Variants in RABGEF1 observed in about 807,000 individuals in gnomAD.
The protein encoded by RABGEF1 is RAB guanine nucleotide exchange factor 1, also known as rab5 GDP/GTP exchange factor.
In RABGEF1, 26 loss-of-function variants were observed where a neutral mutation model predicts 57.3. The ratio of observed to expected loss-of-function variants is 0.45; its 90% CI spans 0.33 to 0.63. The LOEUF (loss-of-function observed/expected upper bound fraction) is 0.63, where lower values mean the gene tolerates loss of function less well. Among genes scored for constraint, RABGEF1 ranks in the 20% least tolerant of loss-of-function variants. The pLI, the probability that RABGEF1 is intolerant of heterozygous loss-of-function variation, is 0.02. For synonymous variants in RABGEF1, 185 were observed against 210.7 expected (o/e 0.88, Z 1.06); for missense variants, 464 against 607.6 (o/e 0.76, Z 2.48).
intron 4 of RABGEF1, among the ~76,000 whole-genome samples, chr7:66,792,869 G>A (rs2129166129): frequency 6.6e-6 from 1 of 152,250 alleles, no homozygotes; most frequent in South Asian, 2.1e-4. Flanking sequence ...CATTTTAGTT[G>A]GGGAAATGGA....
chr7:66,696,862 A>C (rs999761988), intron 1 of RABGEF1, among the ~76,000 whole-genome samples: 1 of 152,162 alleles, frequency 6.6e-6, no homozygotes, highest in Non-Finnish European at 1.5e-5. Context: ...GTTATTGGGC[A>C]CAGATGACAG....
At position 66,797,325 on chromosome 7, in the gene RABGEF1, AGAG is replaced by A. The variant is rs1398080806; in HGVS notation, c.596-48_596-46del. 5.0e-6 allele frequency: 7 copies of A among 1,402,378 alleles called. No individual in the cohort carries two copies. In the Admixed American group the frequency reaches 1.5e-4, roughly 30 times the overall value. 86.9% of individuals were successfully genotyped at this position (1,402,378 alleles called of 1,614,324 possible). A position where few individuals can be genotyped will look rare whatever the true frequency, so the allele number is the denominator to read the frequency against. ...TGTTTGCAAAAAAAAAAAAAAAGAGAGAGAAAAAATATATATATCTTGATCTTT... is the reference window on the plus strand; with the variant it reads ...TGTTTGCAAAAAAAAAAAAAAAGAGAAAAAAATATATATATCTTGATCTTT... On this transcript the variant is annotated intron_variant, in intron 5 of 8. Transcript: ENST00000284957.
chr7:66,724,113 T>C (rs1471266567), intron 2 of RABGEF1, among the ~76,000 whole-genome samples: 1 of 152,080 alleles, frequency 6.6e-6, no homozygotes, highest in African/African-American at 2.4e-5. Context: ...AGAGAGGCTA[T>C]TTTAATTGAA....
intron 4 of RABGEF1, among the ~76,000 whole-genome samples, chr7:66,789,103 A>T (rs1811939848): frequency 6.6e-6 from 1 of 152,252 alleles, no homozygotes; most frequent in Non-Finnish European, 1.5e-5. Context: ...GTAGAAAGAT[A>T]AGTGTCCTCC....
chr7:66,743,968 G>T (rs541350535), intron 1 of RABGEF1, among the ~76,000 whole-genome samples: 180 of 152,070 alleles, frequency 1.2e-3, no homozygotes, highest in African/African-American at 4.3e-3. Flanking sequence ...CACACAGGCT[G>T]CTATGTAGCT....
At position 66,709,330 on chromosome 7, in the gene RABGEF1, G is replaced by A. The variant is rs770208876; in HGVS notation, c.-872-2837G>A. On this transcript the variant is annotated intron_variant and NMD_transcript_variant, in intron 1 of 9. Transcript: ENST00000607882. ...TAAATTTTAAAATGCATCTGTAATT[G>A]TTTTTTAAACTGCAAAAATGAATTA... 7.9e-5 allele frequency among the ~76,000 whole-genome samples: 12 copies of A among 152,134 alleles called. 1 individual carries two copies. The Middle Eastern group carries it at 0.01, about 129-fold the overall frequency.
chr7:66,702,482 T>C (rs1436767244), intron 1 of RABGEF1, among the ~76,000 whole-genome samples: 1 of 151,948 alleles, frequency 6.6e-6, no homozygotes, highest in African/African-American at 2.4e-5. Flanking sequence ...TGTTTTCAGT[T>C]CTCTTGGGTA....
chr7:66,654,586 G>A, the RABGEF1 span: 1 of 152,622 alleles, frequency 6.6e-6, no homozygotes, highest in Non-Finnish European at 1.5e-5. Flanking sequence ...GCAGCCACGC[G>A]GGCGAGCGGC....
upstream of RABGEF1, among the ~76,000 whole-genome samples, chr7:66,677,534 G>A (rs1005692405): frequency 6.6e-5 from 10 of 151,878 alleles, 1 homozygote; most frequent in African/African-American, 1.5e-4. Flanking sequence ...AGGCCGAGGC[G>A]GGCGGATCAC....
At chr7:66,808,381 A>G (rs1394198799) in intron 8 of RABGEF1, among the ~76,000 whole-genome samples, 1 of 151,834 alleles carries the variant, frequency 6.6e-6, no homozygotes, top group African/African-American at 2.4e-5. Flanking sequence ...GCGCCCAGCT[A>G]ATTTTTGTAT....
chr7:66,682,103 G>C (rs1789811815), upstream of RABGEF1: 1 of 167,834 alleles, frequency 6.0e-6, no homozygotes, highest in Non-Finnish European at 1.5e-5. Flanking sequence ...GCGTGCGCTG[G>C]CGGTGCCGGG....
intron 1 of RABGEF1, among the ~76,000 whole-genome samples, chr7:66,750,569 A>G (rs938933707): frequency 6.6e-6 from 1 of 152,242 alleles, no homozygotes; most frequent in Non-Finnish European, 1.5e-5. Context: ...ACTTCTGTCT[A>G]GTAACTCAAT....
chr7:66,788,133 G>C (rs989073547), intron 4 of RABGEF1, among the ~76,000 whole-genome samples: 6 of 152,098 alleles, frequency 3.9e-5, no homozygotes, highest in East Asian at 1.9e-4. Context: ...TAATTTGTTG[G>C]GTATTGCAGT....
intron 4 of RABGEF1, 76 bp from the exon 5 acceptor site, chr7:66,795,435 G>C: frequency 7.7e-7 from 1 of 1,298,448 alleles, no homozygotes. Context: ...ATGGCTTTTG[G>C]AAAGTTCTTA....
chr7:66,769,573 C>G (rs1305308714), intron 1 of RABGEF1, among the ~76,000 whole-genome samples: 1 of 152,216 alleles, frequency 6.6e-6, no homozygotes, highest in Non-Finnish European at 1.5e-5. Flanking sequence ...AATTTGAGTT[C>G]ATTCCTTGGC....
the RABGEF1 span, chr7:66,667,503 C>T: frequency 6.6e-6 from 1 of 152,370 alleles, no homozygotes; most frequent in African/African-American, 2.4e-5. Flanking sequence ...CATGGCCCGG[C>T]CTGAGAACCC....
intron 4 of RABGEF1, among the ~76,000 whole-genome samples, chr7:66,791,708 G>A (rs900181107): frequency 6.6e-6 from 1 of 152,140 alleles, no homozygotes; most frequent in African/African-American, 2.4e-5. Context: ...TTAAGAAAGT[G>A]TATAGAGTGC....
In RABGEF1 at chr7:66,775,332, C is replaced by T. The variant is rs776652255; in HGVS notation, c.285C>T (p.Thr95=). 4 of 1,613,940 alleles carry T rather than the reference C, an allele frequency of 2.5e-6. No individual in the cohort carries two copies. In the East Asian group the frequency reaches 8.9e-5, roughly 36 times the overall value. Residue 95 remains threonine (T), a synonymous_variant, in exon 3 of 9, where the codon ACC becomes ACT. Transcript: ENST00000284957. Reference sequence around the variant, plus strand: ...AAGAAAAGAAAACCAACGAGAAGACCCGCAAGGTTACCACAGTGAAGAAAT... The same window carrying T: ...AAGAAAAGAAAACCAACGAGAAGACTCGCAAGGTTACCACAGTGAAGAAAT... ...KFEEKKTNEK[T]RKVTTVKKFF... is the part of the protein sequence containing the mutation.
intron 1 of RABGEF1, among the ~76,000 whole-genome samples, chr7:66,692,687 CCTCCCACCTAAAG>C (rs1007486617): frequency 6.0e-4 from 90 of 150,148 alleles, no homozygotes; most frequent in African/African-American, 2.2e-3. Flanking sequence ...TCCCCACCCG[CCTCCCACCTAAAG>C]CTCCCACCCA....
Sources: allele counts gnomAD v4.1 joint callset (sites outside exome capture counted in the v4.1 genomes callset), GRCh38; gene constraint gnomAD v4.1.1; transcripts MANE v1.5; gene names NCBI Gene and HGNC (gene_info 2026-07-23, HGNC 2026-07-21).